PRICKLE2: variants seen among roughly 807,000 people sequenced by gnomAD.
PRICKLE2 encodes the protein prickle-like protein 2.
A neutral mutation model predicts 81.4 loss-of-function variants in PRICKLE2; 21 were observed. The observed-to-expected ratio is 0.26, with a 90% CI of 0.18 to 0.37. The LOEUF is 0.37. PRICKLE2 is among the 10% of genes least tolerant of loss of function. The pLI is 1.00. For missense variants in PRICKLE2, 940 were observed against 1,109.0 expected, an observed-to-expected ratio of 0.85 and a Z score of 2.16; for synonymous variants, 456 against 421.5, an observed-to-expected ratio of 1.08 and a Z score of -1.00.
chr3:64,165,158 A>T (rs1325285760), intron 2 of PRICKLE2, among the ~76,000 whole-genome samples: 1 of 152,132 alleles, frequency 6.6e-6, no homozygotes, highest in East Asian at 1.9e-4. Flanking sequence ...CCTCCTCTTA[A>T]TCACCTCTAA....
At chr3:64,140,182 T>G (rs1023875024) in intron 7 of PRICKLE2, among the ~76,000 whole-genome samples, 2 of 152,200 alleles carry the variant, frequency 1.3e-5, no homozygotes, top group African/African-American at 4.8e-5. Flanking sequence ...GGTCATTCCA[T>G]TTCAAAGATG....
At chr3:64,205,082 T>C (rs1441698755) in intron 1 of PRICKLE2, among the ~76,000 whole-genome samples, 2 of 138,806 alleles carry the variant, frequency 1.4e-5, no homozygotes, top group Admixed American at 1.5e-4. Flanking sequence ...TAGAACCTGC[T>C]AGCAAAGCAG....
Position 64,143,889 on chromosome 3 carries a change from C to T in PRICKLE2, c.1660+2941G>A, listed in dbSNP as rs561737662. ...CCTGGGCTGGAAGCCAGGCAGTCAT[C>T]ACTCTGCACTAATTGCTCCCTTCTA... On this transcript the variant is annotated intron_variant, in intron 7 of 7. Coordinates refer to ENST00000638394, the MANE Select transcript of PRICKLE2 (RefSeq NM_198859.4). Among the ~76,000 whole-genome samples, 5 of 152,186 alleles carry T rather than the reference C, an allele frequency of 3.3e-5. No homozygotes were observed. The South Asian group carries it at 1.0e-3, about 32-fold the overall frequency.
chr3:64,239,147 G>C (rs576349927), intron 2 of PRICKLE2, among the ~76,000 whole-genome samples: 1 of 152,138 alleles, frequency 6.6e-6, no homozygotes, highest in African/African-American at 2.4e-5. Flanking sequence ...CCTCACAGCC[G>C]GCTCCACACA....
At chr3:64,217,582 G>A (rs1206729952) in intron 1 of PRICKLE2, among the ~76,000 whole-genome samples, 1 of 152,156 alleles carries the variant, frequency 6.6e-6, no homozygotes, top group Non-Finnish European at 1.5e-5. Context: ...TGTTCAATAC[G>A]TATTTACTAA....
At chr3:64,230,271 G>A (rs1487148724), upstream of PRICKLE2, among the ~76,000 whole-genome samples, 2 of 152,116 alleles carry the variant, frequency 1.3e-5, no homozygotes, top group Non-Finnish European at 2.9e-5. Context: ...TTTGTGCTAT[G>A]TAAAAACATT....
intron 2 of PRICKLE2, among the ~76,000 whole-genome samples, chr3:64,263,709 G>A (rs1438552003): frequency 1.3e-5 from 2 of 152,114 alleles, no homozygotes; most frequent in Non-Finnish European, 2.9e-5. Context: ...CCTACATCCA[G>A]GTAGAAAGGG....
chr3:64,219,347 G>A (rs775508431), intron 1 of PRICKLE2, among the ~76,000 whole-genome samples: 1 of 152,166 alleles, frequency 6.6e-6, no homozygotes, highest in Non-Finnish European at 1.5e-5. Flanking sequence ...GTTAGAACCT[G>A]ATGTGCACAC....
intron 7 of PRICKLE2, among the ~76,000 whole-genome samples, chr3:64,113,571 C>A (rs1195202953): frequency 1.3e-5 from 2 of 152,138 alleles, no homozygotes; most frequent in Non-Finnish European, 2.9e-5. Flanking sequence ...CAATGCCCTA[C>A]ATCACTTTGC....
rs60241459 is a variant in PRICKLE2 at position 64,184,347 on chromosome 3, T to A, written c.144+14437A>T. Among the ~76,000 whole-genome samples, 1,450 of 152,294 alleles carry A rather than the reference T, an allele frequency of 9.5e-3. 25 individuals are homozygous for A. The highest frequency in any genetic ancestry group is 0.033 in the African/African-American group (1,363 of 41,564). On this transcript the variant is annotated intron_variant, in intron 2 of 7. Coordinates refer to ENST00000638394, the MANE Select transcript of PRICKLE2 (RefSeq NM_198859.4). ...ATAGCTGGACAGTGGCAGAACTGGA[T>A]CAGGTCCCAGCTGCGTCTGATACCA... is the stretch of plus-strand genomic sequence containing the variant.
chr3:64,160,984 A>T (rs943474707), intron 3 of PRICKLE2, among the ~76,000 whole-genome samples: 9 of 142,786 alleles, frequency 6.3e-5, no homozygotes, highest in African/African-American at 2.3e-4. Flanking sequence ...ACAAACAAAC[A>T]AAAAAACCAG....
chr3:64,213,688 T>C (rs7610343), intron 1 of PRICKLE2, among the ~76,000 whole-genome samples: 55,124 of 152,028 alleles, frequency 0.36, 11,782 homozygotes, highest in Admixed American at 0.48. Context: ...GGGGGTGTGA[T>C]TTCTCCAACT....
At chr3:64,162,528 C>T (rs527758953) in intron 3 of PRICKLE2, among the ~76,000 whole-genome samples, 31 of 152,260 alleles carry the variant, frequency 2.0e-4, no homozygotes, top group African/African-American at 6.5e-4. Context: ...AAAACACAGA[C>T]GTTCGAAGCT....
chr3:64,237,511 G>A (rs2079200468), intron 2 of PRICKLE2, among the ~76,000 whole-genome samples: 1 of 152,034 alleles, frequency 6.6e-6, no homozygotes, highest in African/African-American at 2.4e-5. Context: ...TGGACATTCA[G>A]CTCCTTCTCT....
intron 2 of PRICKLE2, among the ~76,000 whole-genome samples, chr3:64,245,566 C>A (rs1036874960): frequency 9.9e-5 from 15 of 152,172 alleles, no homozygotes; most frequent in Non-Finnish European, 2.9e-5. Flanking sequence ...TGTGTTGCAA[C>A]AGACTTTAGG....
At chr3:64,236,295 T>C (rs1178250086) in intron 2 of PRICKLE2, among the ~76,000 whole-genome samples, 2 of 152,128 alleles carry the variant, frequency 1.3e-5, no homozygotes, top group East Asian at 1.9e-4. Context: ...GCCTGGCACA[T>C]AGTAGGTCCT....
At chr3:64,110,959 C>CAAAAAAAA (rs550808708) in intron 7 of PRICKLE2, among the ~76,000 whole-genome samples, 5 of 63,866 alleles carry the variant, frequency 7.8e-5, no homozygotes, top group Non-Finnish European at 1.1e-4. Context: ...GACTCCATCT[C>CAAAAAAAA]AAAAAAAAAA....
At chr3:64,257,690 A>G (rs1412099291) in intron 2 of PRICKLE2, among the ~76,000 whole-genome samples, 4 of 152,202 alleles carry the variant, frequency 2.6e-5, no homozygotes, top group Non-Finnish European at 4.4e-5. Flanking sequence ...AAGAGAATGT[A>G]GGCATGGCCA....
intron 7 of PRICKLE2, among the ~76,000 whole-genome samples, chr3:64,123,650 C>G (rs2077063352): frequency 6.6e-6 from 1 of 152,306 alleles, no homozygotes; most frequent in African/African-American, 2.4e-5. Flanking sequence ...ATATTTCAAA[C>G]TTTCTCATTA....
Sources: allele counts gnomAD v4.1 joint callset (sites outside exome capture counted in the v4.1 genomes callset), GRCh38; gene constraint gnomAD v4.1.1; transcripts MANE v1.5; gene names NCBI Gene and HGNC (gene_info 2026-07-23, HGNC 2026-07-21).